The following PDE6A variants were observed in gnomAD, a reference collection of about 807,000 sequenced individuals.
PDE6A encodes the protein phosphodiesterase 6A.
A neutral mutation model predicts 106.3 loss-of-function variants in PDE6A; 84 were observed. The ratio of observed to expected loss-of-function variants is 0.79; its 90% confidence interval spans 0.66 to 0.95. The LOEUF (loss-of-function observed/expected upper bound fraction) is 0.95, where lower values mean the gene tolerates loss of function less well. Among genes scored for constraint, PDE6A ranks in the 40% least tolerant of loss-of-function variants. The pLI is 0.00. For synonymous variants in PDE6A, 394 were observed against 386.6 expected (o/e 1.02, Z -0.23); for missense variants, 1,052 against 1,084.9 (o/e 0.97, Z 0.43).
At position 149,863,082 on chromosome 5, in the gene PDE6A, G is replaced by C. The variant is rs1212605666; in HGVS notation, c.2506+37C>G. 3 of 1,613,328 alleles carry C rather than the reference G, an allele frequency of 1.9e-6. No individual in the cohort carries two copies. In the African/African-American group the frequency reaches 4.0e-5, roughly 22 times the overall value. ...CGCAGACACTGAGTGCTCAGGGAGT[G>C]GGGTGGTGGGAGTCCCTGCTTCCCC... is the stretch of plus-strand genomic sequence containing the variant. On this transcript the variant is annotated intron_variant, in intron 21 of 21. Transcript: ENST00000255266. The surrounding 1 kb of genome is among the most constrained non-coding windows in gnomAD (Gnocchi z 4.7).
At chr5:149,877,467 C>G (rs536932891) in intron 17 of PDE6A, among the ~76,000 whole-genome samples, 1 of 152,084 alleles carries the variant, frequency 6.6e-6, no homozygotes, top group African/African-American at 2.4e-5. Context: ...TGGAGTGCAG[C>G]GGTGCAATCT....
chr5:149,873,493 A>T (rs568851966), intron 17 of PDE6A, among the ~76,000 whole-genome samples: 1 of 152,102 alleles, frequency 6.6e-6, no homozygotes, highest in East Asian at 1.9e-4. Flanking sequence ...CACCACGCCC[A>T]GCTAATTTTT....
chr5:149,944,745 G>A lies in PDE6A; in HGVS notation c.-72C>T. The A allele has an allele frequency of 2.4e-6, 3 of 1,250,806 alleles. No homozygotes were observed. 77.5% of individuals were successfully genotyped at this position (1,250,806 alleles called of 1,614,324 possible). A position where few individuals can be genotyped will look rare whatever the true frequency, so the allele number is the denominator to read the frequency against. On this transcript the variant is annotated 5_prime_UTR_variant, in exon 1 of 22. The change creates a premature stop within an existing upstream ORF in the 5' untranslated region. Transcript: ENST00000255266. ...CCTTCCAATGGCAGTTTTGCAGTCT[G>A]CAACAAGTCCAGTCTGGACTTCTCT...
intron 8 of PDE6A, among the ~76,000 whole-genome samples, 176 bp from the exon 9 acceptor site, chr5:149,899,700 T>A: frequency 6.6e-6 from 1 of 152,206 alleles, no homozygotes; most frequent in Non-Finnish European, 1.5e-5. Context: ...ATAACCCATC[T>A]GGTCGGAATT....
At chr5:149,895,723 C>A (rs1752720270) in intron 12 of PDE6A, among the ~76,000 whole-genome samples, 1 of 151,738 alleles carries the variant, frequency 6.6e-6, no homozygotes, top group African/African-American at 2.4e-5. Context: ...CTTGTTAAAA[C>A]AGTTTCTGAT....
chr5:149,926,930 A>G (rs1271586154), intron 4 of PDE6A, among the ~76,000 whole-genome samples: 1 of 148,876 alleles, frequency 6.7e-6, no homozygotes, highest in Non-Finnish European at 1.5e-5. Flanking sequence ...ATGAGCTGAG[A>G]TCGTGCCATT....
intron 8 of PDE6A, among the ~76,000 whole-genome samples, chr5:149,901,855 C>A (rs1752991739): frequency 6.6e-6 from 1 of 152,168 alleles, no homozygotes; most frequent in African/African-American, 2.4e-5. Context: ...GTAATTCTGA[C>A]TTTTCTGAGT....
chr5:149,937,703 C>T (rs1232854899), intron 1 of PDE6A, among the ~76,000 whole-genome samples: 1 of 152,152 alleles, frequency 6.6e-6, no homozygotes, highest in Non-Finnish European at 1.5e-5. Flanking sequence ...TGCAATGCAA[C>T]ACTACTTCTC....
chr5:149,924,231 A>G (rs1753812287), intron 4 of PDE6A, among the ~76,000 whole-genome samples: 1 of 152,124 alleles, frequency 6.6e-6, no homozygotes, highest in African/African-American at 2.4e-5. Context: ...GAACCAAAAC[A>G]GTGCTGGAAG....
intron 5 of PDE6A, among the ~76,000 whole-genome samples, chr5:149,921,143 G>A (rs934872612): frequency 1.3e-5 from 2 of 152,210 alleles, no homozygotes; most frequent in Non-Finnish European, 2.9e-5. Context: ...CCTGCAAGGT[G>A]AAGCCTTGAG....
At chr5:149,928,154 G>T (rs1223192553) in intron 4 of PDE6A, among the ~76,000 whole-genome samples, 1 of 132,974 alleles carries the variant, frequency 7.5e-6, no homozygotes. Flanking sequence ...CAGTAACATA[G>T]TTTTCTAGTT....
chr5:149,926,197 G>C (rs1192838286), intron 4 of PDE6A, among the ~76,000 whole-genome samples: 1 of 151,832 alleles, frequency 6.6e-6, no homozygotes, highest in African/African-American at 2.4e-5. Flanking sequence ...AGCCAAAATC[G>C]CACCACTGCA....
intron 6 of PDE6A, among the ~76,000 whole-genome samples, chr5:149,908,681 T>C (rs960158996): frequency 1.3e-5 from 2 of 150,310 alleles, no homozygotes; most frequent in Non-Finnish European, 3.0e-5. Context: ...TTTTACTCAT[T>C]TTTTGTTCCT....
In PDE6A at chr5:149,907,169, C is replaced by T; in HGVS notation, c.1065+143G>A. 5 of 766,354 alleles carry T rather than the reference C, an allele frequency of 6.5e-6. No homozygotes were observed. In the South Asian group the frequency reaches 7.0e-5, roughly 11 times the overall value. 47.5% of individuals were successfully genotyped at this position (766,354 alleles called of 1,614,324 possible). A position where few individuals can be genotyped will look rare whatever the true frequency, so the allele number is the denominator to read the frequency against. Reference sequence around the variant, plus strand: ...TTCATTCATTTAGACCAGTTGCCAACTGAATTGAGAGAAACAAGAGAATTA... The same window carrying T: ...TTCATTCATTTAGACCAGTTGCCAATTGAATTGAGAGAAACAAGAGAATTA... On this transcript the variant is annotated intron_variant, in intron 7 of 21. Transcript: ENST00000255266.
In PDE6A at chr5:149,884,806, A is replaced by G; in HGVS notation, c.1900T>C (p.Phe634Leu). The G allele has an allele frequency of 6.2e-7, 1 of 1,614,076 alleles. No homozygotes were observed. Among genetic ancestry groups the G allele is most frequent in the Non-Finnish European group, 8.5e-7 (1 of 1,179,992 alleles). ...TCGTCTCTGAGCAGTGTTTTGCCAA[A>G]CTCCAAGTGGTGTCTTTCCAAGATA... ...SSILERHHLE[F>L]GKTLLRDESL... Residue 634 changes from phenylalanine (F) to leucine (L), a missense_variant, in exon 15 of 22, where the codon TTT (phenylalanine) becomes CTT (leucine). Phe to Leu is a conservative substitution (Grantham distance 22). Around this residue, in one of 3 missense-constraint regions of PDE6A, gnomAD observed 913 missense variants for 915.2 expected, o/e 1.00. Transcript: ENST00000255266.
chr5:149,929,295 C>G (rs1401668809), intron 4 of PDE6A, among the ~76,000 whole-genome samples: 1 of 152,110 alleles, frequency 6.6e-6, no homozygotes, highest in Non-Finnish European at 1.5e-5. Context: ...AATGAATGAA[C>G]TCATGCTAAA....
At chr5:149,910,634 C>A (rs936965139) in intron 6 of PDE6A, among the ~76,000 whole-genome samples, 36 of 152,106 alleles carry the variant, frequency 2.4e-4, no homozygotes, top group African/African-American at 8.7e-4. Flanking sequence ...TAGCAACCAG[C>A]AATGGTTGCT....
chr5:149,884,521 A>C lies in PDE6A; in HGVS notation c.1985T>G (p.Met662Arg). Reference sequence around the variant, plus strand: ...GTCTGTGGCAATGATTGCAATGTCCATCATGTGGATGGCATGCTCATGCTG... The same window carrying C: ...GTCTGTGGCAATGATTGCAATGTCCCTCATGTGGATGGCATGCTCATGCTG... ...RRQHEHAIHM[M>R]DIAIIATDLA... The change falls in exon 16 of 22, where the codon ATG becomes AGG. Residue 662 changes from methionine (M) to arginine (R), a missense_variant. Transcript: ENST00000255266. The C allele has an allele frequency of 6.2e-7, 1 of 1,613,962 alleles. No homozygotes were observed. The highest frequency in any genetic ancestry group is 8.5e-7 in the Non-Finnish European group (1 of 1,179,882).
At chr5:149,899,595 C>G (rs1193369428) in intron 8 of PDE6A, 71 bp from the exon 9 acceptor site, 1 of 1,464,654 alleles carries the variant, frequency 6.8e-7, no homozygotes, top group Non-Finnish European at 9.6e-7. Flanking sequence ...AGATTTCACC[C>G]TACATCATGA....
Sources: allele counts gnomAD v4.1 joint callset (sites outside exome capture counted in the v4.1 genomes callset), GRCh38; gene constraint gnomAD v4.1.1; regional missense constraint gnomAD v4.1.1; non-coding constraint Gnocchi (gnomAD v3.1); transcripts MANE v1.5; gene names NCBI Gene and HGNC (gene_info 2026-07-23, HGNC 2026-07-21).